Variants in SYT14 observed in about 807,000 individuals in gnomAD.
SYT14 encodes the protein synaptotagmin 14.
A neutral mutation model predicts 74.2 loss-of-function variants in SYT14; 32 were observed. That is an observed-to-expected ratio of 0.43 (90% CI 0.33 to 0.58). The LOEUF is 0.58. SYT14 is among the 20% of genes least tolerant of loss of function. The pLI is 0.05. For missense variants in SYT14, 791 were observed against 981.8 expected (o/e 0.81, Z 2.60); for synonymous variants, 298 against 337.7 (o/e 0.88, Z 1.29).
At chr1:209,998,251 A>T (rs2079833304) in intron 2 of SYT14, among the ~76,000 whole-genome samples, 1 of 152,158 alleles carries the variant, frequency 6.6e-6, no homozygotes, top group Admixed American at 6.6e-5. Flanking sequence ...CATGGAGGTG[A>T]AAGACCTCTA....
At chr1:210,127,234 A>G (rs1012976831) in intron 7 of SYT14, among the ~76,000 whole-genome samples, 5 of 152,336 alleles carry the variant, frequency 3.3e-5, no homozygotes, top group Admixed American at 3.3e-4. Flanking sequence ...TCATTGGATA[A>G]TGAGGTAGAC....
intron 2 of SYT14, among the ~76,000 whole-genome samples, chr1:209,982,952 T>C (rs1353612351): frequency 6.6e-6 from 1 of 152,228 alleles, no homozygotes; most frequent in East Asian, 1.9e-4. Flanking sequence ...ACAGATGTTG[T>C]GGAGTGTCTT....
chr1:209,952,618 C>T (rs2078930201), intron 1 of SYT14, 91 bp from the exon 2 acceptor site: 10 of 1,147,562 alleles, frequency 8.7e-6, no homozygotes, highest in Non-Finnish European at 1.2e-5. Flanking sequence ...TTTGAGGTCA[C>T]TTTTAGGTGC....
At chr1:209,971,118 T>A (rs1271034464) in intron 2 of SYT14, among the ~76,000 whole-genome samples, 1 of 152,176 alleles carries the variant, frequency 6.6e-6, no homozygotes, top group Non-Finnish European at 1.5e-5. Context: ...CTTAGATGTA[T>A]TCCTAGATAT....
intron 7 of SYT14, among the ~76,000 whole-genome samples, chr1:210,100,897 C>T (rs1028811337): frequency 9.2e-5 from 14 of 152,114 alleles, no homozygotes; most frequent in Admixed American, 5.2e-4. Context: ...ATATATACCG[C>T]TCCCTAGGTC....
exon 4 of SYT14, chr1:210,016,698 A>G: frequency 1.6e-6 from 2 of 1,231,888 alleles, no homozygotes; most frequent in Non-Finnish European, 2.0e-6. Context: ...AAATCTCGAC[A>G]TGTATATTTG....
At chr1:209,975,693 T>C (rs1236680936) in intron 2 of SYT14, among the ~76,000 whole-genome samples, 1 of 152,216 alleles carries the variant, frequency 6.6e-6, no homozygotes, top group African/African-American at 2.4e-5. Context: ...TGCCAGGCTT[T>C]GGTATCAGGA....
chr1:209,997,891 A>G (rs971890973), intron 2 of SYT14, among the ~76,000 whole-genome samples: 2 of 152,194 alleles, frequency 1.3e-5, no homozygotes, highest in Non-Finnish European at 2.9e-5. Flanking sequence ...GTGATTTAAC[A>G]TTTAAGAATT....
intron 2 of SYT14, chr1:209,966,100 G>T (rs1305073867): frequency 5.7e-6 from 2 of 350,204 alleles, no homozygotes; most frequent in Admixed American, 7.5e-5. Context: ...TCGATCGCTT[G>T]ATCTCATGAT....
chr1:210,072,801 T>C (rs1347974009), intron 5 of SYT14, among the ~76,000 whole-genome samples: 1 of 151,980 alleles, frequency 6.6e-6, no homozygotes, highest in Non-Finnish European at 1.5e-5. Context: ...AAAATGCAAA[T>C]GATACAGTAG....
intron 5 of SYT14, among the ~76,000 whole-genome samples, chr1:210,028,091 A>G (rs1045161656): frequency 6.6e-6 from 1 of 152,078 alleles, no homozygotes; most frequent in East Asian, 1.9e-4. Flanking sequence ...CTGATAACCA[A>G]TATTCTACTT....
At chr1:210,024,288 A>G (rs1469879104) in intron 5 of SYT14, among the ~76,000 whole-genome samples, 1 of 152,196 alleles carries the variant, frequency 6.6e-6, no homozygotes, top group East Asian at 1.9e-4. Context: ...GATATCAGTT[A>G]AGGAGATCTT....
intron 2 of SYT14, among the ~76,000 whole-genome samples, chr1:209,964,712 G>A (rs775712747): frequency 5.3e-5 from 8 of 152,084 alleles, no homozygotes; most frequent in Non-Finnish European, 1.2e-4. Flanking sequence ...TGAAAATGCA[G>A]CAACATGTAT....
chr1:209,968,959 C>T lies in SYT14; in HGVS notation c.-486+16203C>T, dbSNP rs1446305776. On this transcript the variant is annotated intron_variant, in intron 2 of 9. Coordinates refer to ENST00000637265, the Ensembl canonical transcript of SYT14. ...TCTCATCTTTATGTCCCTATGTACCCAGTGTTTAGCTCCCACTTATAAGTG... is the reference window on the plus strand; with the variant it reads ...TCTCATCTTTATGTCCCTATGTACCTAGTGTTTAGCTCCCACTTATAAGTG... Among the ~76,000 whole-genome samples the T allele has an allele frequency of 2.6e-5, 4 of 151,992 alleles. No individual in the cohort carries two copies. The South Asian group carries it at 6.2e-4, about 24-fold the overall frequency.
At chr1:210,111,693 CTG>C (rs1443253300) in intron 7 of SYT14, among the ~76,000 whole-genome samples, 3 of 150,990 alleles carry the variant, frequency 2.0e-5, no homozygotes, top group Non-Finnish European at 4.4e-5. Context: ...TGGTGATGGC[CTG>C]GATGCGGTTT....
At chr1:210,018,344 G>A (rs1307222190) in intron 4 of SYT14, among the ~76,000 whole-genome samples, 4 of 151,930 alleles carry the variant, frequency 2.6e-5, no homozygotes, top group African/African-American at 7.3e-5. Context: ...ATGTTGGCCC[G>A]GGATGGTCTC....
intron 1 of SYT14, among the ~76,000 whole-genome samples, chr1:209,946,954 T>C (rs911434630): frequency 2.6e-5 from 4 of 152,220 alleles, no homozygotes; most frequent in African/African-American, 9.6e-5. Context: ...CTAAATGTGC[T>C]CTGTGTGTGC....
intron 7 of SYT14, among the ~76,000 whole-genome samples, chr1:210,132,489 C>G (rs1256390041): frequency 6.6e-6 from 1 of 151,886 alleles, no homozygotes; most frequent in Non-Finnish European, 1.5e-5. Context: ...ATTATTTCAT[C>G]ACCCTTAATT....
exon 10 of SYT14, chr1:210,166,182 T>C (rs763204300): frequency 6.6e-6 from 1 of 152,218 alleles, no homozygotes; most frequent in Non-Finnish European, 1.5e-5. Context: ...CATGTTAGAC[T>C]CCCATCAAAC....
Sources: gnomAD v4.1 joint callset for allele counts (sites outside exome capture counted in the v4.1 genomes callset) on GRCh38, gnomAD v4.1.1 for gene constraint, MANE v1.5 for transcripts, NCBI Gene and HGNC (gene_info 2026-07-23, HGNC 2026-07-21) for gene names.